Variants in RABGAP1L observed in about 807,000 individuals in gnomAD.
The protein encoded by RABGAP1L is rab GTPase-activating protein 1-like.
A neutral mutation model predicts 137.7 loss-of-function variants in RABGAP1L; 63 were observed. The observed-to-expected ratio is 0.46, with a 90% CI of 0.37 to 0.56. The LOEUF is 0.56. Among genes scored for constraint, RABGAP1L ranks in the 20% least tolerant of loss-of-function variants. RABGAP1L has a pLI of 0.00. For synonymous variants in RABGAP1L, 431 were observed against 433.7 expected, an observed-to-expected ratio of 0.99 and a Z score of 0.08; for missense variants, 1,095 against 1,244.0, an observed-to-expected ratio of 0.88 and a Z score of 1.80.
At chr1:174,867,952 T>C (rs1044123765) in intron 19 of RABGAP1L, among the ~76,000 whole-genome samples, 6 of 151,714 alleles carry the variant, frequency 4.0e-5, no homozygotes, top group Non-Finnish European at 8.8e-5. Context: ...GCCAAAGTAG[T>C]GTGACTTTAA....
chr1:174,793,116 G>C (rs1374648294), intron 18 of RABGAP1L, among the ~76,000 whole-genome samples: 1 of 151,682 alleles, frequency 6.6e-6, no homozygotes, highest in Non-Finnish European at 1.5e-5. Flanking sequence ...TGGTTAACAA[G>C]AGCGAAACTC....
intron 13 of RABGAP1L, among the ~76,000 whole-genome samples, chr1:174,434,776 T>C (rs1009890074): frequency 6.6e-6 from 1 of 152,202 alleles, no homozygotes; most frequent in African/African-American, 2.4e-5. Context: ...GTTATTTGTA[T>C]ATCTTCTTTT....
intron 11 of RABGAP1L, among the ~76,000 whole-genome samples, chr1:174,358,137 G>A (rs756864547): frequency 1.3e-5 from 2 of 151,868 alleles, no homozygotes; most frequent in African/African-American, 2.4e-5. Flanking sequence ...AAAGGAATTC[G>A]AGGAAAAGAG....
At chr1:174,786,184 G>T (rs1259080600) in intron 18 of RABGAP1L, among the ~76,000 whole-genome samples, 1 of 152,132 alleles carries the variant, frequency 6.6e-6, no homozygotes, top group East Asian at 1.9e-4. Context: ...CTTGTGACTG[G>T]TAAATTCTAA....
intron 11 of RABGAP1L, among the ~76,000 whole-genome samples, chr1:174,336,157 G>A (rs1681447304): frequency 6.6e-6 from 1 of 152,096 alleles, no homozygotes; most frequent in African/African-American, 2.4e-5. Flanking sequence ...CTTTTGCCTA[G>A]GCTGGAATGC....
At chr1:174,517,644 T>C (rs1662986630) in intron 13 of RABGAP1L, among the ~76,000 whole-genome samples, 1 of 152,202 alleles carries the variant, frequency 6.6e-6, no homozygotes. Context: ...TGAATGTAAA[T>C]GCTATTTGAT....
intron 3 of RABGAP1L, among the ~76,000 whole-genome samples, chr1:174,221,537 T>TA (rs1669758905): frequency 6.6e-6 from 1 of 152,218 alleles, no homozygotes; most frequent in African/African-American, 2.4e-5. Flanking sequence ...TTATATTTAG[T>TA]AAAAACTCTA....
At chr1:174,729,930 A>G (rs1682321884) in intron 17 of RABGAP1L, among the ~76,000 whole-genome samples, 5 of 152,240 alleles carry the variant, frequency 3.3e-5, no homozygotes, top group Admixed American at 3.3e-4. Flanking sequence ...AAAGAACTTA[A>G]AACAGAACTA....
rs1558242921 is a variant in RABGAP1L, at chr1:174,448,101, A to G, written c.1710+53956A>G. On this transcript the variant is annotated intron_variant, in intron 13 of 25. Coordinates refer to ENST00000681986, the MANE Select transcript of RABGAP1L (RefSeq NM_001366446.1). The surrounding 1 kb of genome is among the most constrained non-coding windows in gnomAD (Gnocchi z 4.2). ...TAGCCAAGTCTGCAGGTGTCTTTAA[A>G]TTTCCAAGCCATGAATGAATCCAGG... 2 of 1,602,260 alleles carry G rather than the reference A, an allele frequency of 1.2e-6. No homozygotes were observed. The highest frequency in any genetic ancestry group is 1.7e-6 in the Non-Finnish European group (2 of 1,173,408).
chr1:174,520,239 T>C (rs943898282), intron 13 of RABGAP1L, among the ~76,000 whole-genome samples: 1 of 152,236 alleles, frequency 6.6e-6, no homozygotes, highest in Non-Finnish European at 1.5e-5. Flanking sequence ...AAACTCTTGC[T>C]ATAGATTGCA....
intron 17 of RABGAP1L, among the ~76,000 whole-genome samples, chr1:174,722,344 A>G (rs1572927469): frequency 6.6e-6 from 1 of 152,192 alleles, no homozygotes; most frequent in African/African-American, 2.4e-5. Context: ...CGAATGGTAT[A>G]TTATATTGTT....
At position 174,617,842 on chromosome 1, in the gene RABGAP1L, A is replaced by G. The variant is rs370447158; in HGVS notation, c.1711-19533A>G. Among the ~76,000 whole-genome samples, 14 of 152,224 alleles carry G rather than the reference A, an allele frequency of 9.2e-5. No individual in the cohort carries two copies. In the East Asian group the frequency reaches 2.1e-3, roughly 23 times the overall value. ...CATTTCCAACAGAAGCACTGGGTTC[A>G]TCTCACTGGAGAGTGTCAGAAAATG... On this transcript the variant is annotated intron_variant, in intron 13 of 25. Transcript: ENST00000681986.
intron 10 of RABGAP1L, among the ~76,000 whole-genome samples, chr1:174,294,483 A>T (rs975138581): frequency 2.0e-5 from 3 of 152,166 alleles, no homozygotes; most frequent in Non-Finnish European, 4.4e-5. Context: ...GTGGGCAATT[A>T]CTCTGAACAG....
chr1:174,866,110 GGAGAGAGAGAGA>G (rs34712612), intron 19 of RABGAP1L, among the ~76,000 whole-genome samples: 2,620 of 65,822 alleles, frequency 0.04, 86 homozygotes, highest in African/African-American at 0.1. Flanking sequence ...GGAGGGAGGG[GGAGAGAGAGAGA>G]GAGAGAGAGA....
intron 18 of RABGAP1L, among the ~76,000 whole-genome samples, chr1:174,773,150 T>C (rs1327427952): frequency 3.2e-5 from 3 of 93,540 alleles, no homozygotes; most frequent in Admixed American, 1.2e-4. Flanking sequence ...TGTTCTTAAC[T>C]TCTAAGCTAT....
chr1:174,275,968 C>CT, intron 9 of RABGAP1L, 33 bp downstream of exon 9: 1 of 1,541,942 alleles, frequency 6.5e-7, no homozygotes, highest in Non-Finnish European at 8.9e-7. Flanking sequence ...TTATTGTTTG[C>CT]TTTACATTTT....
Position 174,989,870 on chromosome 1 carries a change from G to A in RABGAP1L, c.3025G>A (p.Ala1009Thr). 6.4e-7 allele frequency: 1 copy of A among 1,550,562 alleles called. No individual in the cohort carries two copies. The highest frequency in any genetic ancestry group is 2.4e-5 in the East Asian group (1 of 40,926). Residue 1009 changes from alanine to threonine, a missense_variant, in exon 26 of 26, where the codon GCC becomes ACC. Around this residue, in one of 4 missense-constraint regions of RABGAP1L, gnomAD observed 312 missense variants for 435.6 expected, o/e 0.72. Transcript: ENST00000681986. ...TTAGGAACTTGAACATCAGAGAGGAGCCCTTATGAATGAAATCCAAGCTGC... is the reference window on the plus strand; with the variant it reads ...TTAGGAACTTGAACATCAGAGAGGAACCCTTATGAATGAAATCCAAGCTGC... ...KIQELEHQRG[A>T]LMNEIQAAKN...
At chr1:174,574,987 A>G (rs1371063345) in intron 13 of RABGAP1L, among the ~76,000 whole-genome samples, 2 of 152,116 alleles carry the variant, frequency 1.3e-5, no homozygotes, top group Non-Finnish European at 2.9e-5. Context: ...CTGGAGTGCA[A>G]TGGCACAATC....
chr1:174,794,053 C>T (rs1688059090), intron 18 of RABGAP1L, among the ~76,000 whole-genome samples: 1 of 152,040 alleles, frequency 6.6e-6, no homozygotes. Context: ...TTTACACTAC[C>T]ACGATGGCAC....
Sources: gnomAD v4.1 joint callset for allele counts (sites outside exome capture counted in the v4.1 genomes callset) on GRCh38, gnomAD v4.1.1 for gene constraint, gnomAD v4.1.1 regional missense constraint, Gnocchi (gnomAD v3.1) non-coding constraint, MANE v1.5 for transcripts, NCBI Gene and HGNC (gene_info 2026-07-23, HGNC 2026-07-21) for gene names.